Variants in PACRG observed in about 807,000 individuals in gnomAD.
PACRG encodes parkin coregulated.
PACRG carries 29 observed loss-of-function variants against 29.7 expected under a neutral mutation model. The ratio of observed to expected loss-of-function variants is 0.98; its 90% CI spans 0.73 to 1.33. PACRG has a LOEUF of 1.33. PACRG is among the 40% of genes most tolerant of loss of function. The pLI is 0.00. For synonymous variants in PACRG, 116 were observed against 118.7 expected (o/e 0.98, Z 0.15); for missense variants, 279 against 316.2 (o/e 0.88, Z 0.89).
At chr6:163,144,343 T>TAC (rs1204739911) in intron 4 of PACRG, among the ~76,000 whole-genome samples, 3 of 137,232 alleles carry the variant, frequency 2.2e-5, no homozygotes, top group African/African-American at 3.1e-5. Flanking sequence ...TACACACACA[T>TAC]ACATACACAC....
chr6:163,010,339 A>G (rs1805497100), intron 2 of PACRG, among the ~76,000 whole-genome samples: 1 of 152,244 alleles, frequency 6.6e-6, no homozygotes, highest in South Asian at 2.1e-4. Flanking sequence ...CAGAAGCACC[A>G]GGGAGAATTG....
chr6:163,198,522 A>T (rs550241509), intron 4 of PACRG, among the ~76,000 whole-genome samples: 1 of 152,286 alleles, frequency 6.6e-6, no homozygotes, highest in East Asian at 1.9e-4. Flanking sequence ...AGGCCCAGAG[A>T]TGTTAATTTG....
chr6:162,777,801 A>G lies in PACRG; in HGVS notation c.157-36346A>G, dbSNP rs1405414050. The stretch of plus-strand genomic sequence containing the variant: ...TATGGTTCAAATGCAGCTGATTTGA[A>G]CAACATTTACTGCACTTGCTTTGAA... On this transcript the variant is annotated intron_variant, in intron 1 of 4. Coordinates refer to ENST00000366888, the MANE Select transcript of PACRG (RefSeq NM_001080379.2). This position sits in a 1 kb window ranked among gnomAD's most constrained non-coding sequence, Gnocchi z 4.0. Among the ~76,000 whole-genome samples the G allele has an allele frequency of 1.3e-5, 2 of 152,202 alleles. No individual in the cohort carries two copies. Among genetic ancestry groups the G allele is most frequent in the East Asian group, 1.9e-4 (1 of 5,190 alleles).
At chr6:162,949,254 A>T (rs377245122) in intron 2 of PACRG, among the ~76,000 whole-genome samples, 1 of 152,210 alleles carries the variant, frequency 6.6e-6, no homozygotes, top group African/African-American at 2.4e-5. Context: ...CCAGTCACAG[A>T]AAAATTAATA....
rs117121173 is a variant in PACRG at position 163,232,364 on chromosome 6, G to C, written c.614-82463G>C. Among the ~76,000 whole-genome samples, 17 of 152,292 alleles carry C rather than the reference G, an allele frequency of 1.1e-4. No homozygotes were observed. The East Asian group carries it at 3.3e-3, about 29-fold the overall frequency. ...CCCCAACCTGCAAGTCCTCCTGGTA[G>C]AGTAGCTCTTAGCTCCAGCCTGCGT... On this transcript the variant is annotated intron_variant, in intron 4 of 4. Transcript: ENST00000366888.
At chr6:162,918,559 TG>T (rs1796854933) in intron 2 of PACRG, among the ~76,000 whole-genome samples, 3 of 152,144 alleles carry the variant, frequency 2.0e-5, no homozygotes, top group Admixed American at 1.3e-4. Context: ...AACAGTATGC[TG>T]GGGAGGAGCA....
chr6:163,291,460 C>G (rs1355496085), intron 4 of PACRG, among the ~76,000 whole-genome samples: 3 of 148,288 alleles, frequency 2.0e-5, no homozygotes, highest in Non-Finnish European at 4.5e-5. Flanking sequence ...TCTGCCCGCC[C>G]GAGCTGGCCT....
intron 2 of PACRG, among the ~76,000 whole-genome samples, chr6:162,863,230 A>G (rs1044137670): frequency 3.9e-5 from 6 of 152,322 alleles, no homozygotes; most frequent in Admixed American, 3.3e-4. Context: ...TGAGCACATC[A>G]TCAAGTTACT....
chr6:162,907,157 CT>C lies in PACRG; in HGVS notation c.291+92884del, dbSNP rs1255807846. On this transcript the variant is annotated intron_variant, in intron 2 of 4. Coordinates refer to ENST00000366888, the MANE Select transcript of PACRG (RefSeq NM_001080379.2). The stretch of plus-strand genomic sequence containing the variant: ...TATGAATGATTTGCATGTATCAGAT[CT>C]TTTTTTTATTCCAGACATTTTGTCC... Among the ~76,000 whole-genome samples, 5 of 152,016 alleles carry C rather than the reference CT, an allele frequency of 3.3e-5. No individual in the cohort carries two copies. In the Middle Eastern group the frequency reaches 0.01, roughly 310 times the overall value.
intron 4 of PACRG, among the ~76,000 whole-genome samples, chr6:163,099,093 C>G (rs1216313449): frequency 2.6e-5 from 4 of 152,206 alleles, no homozygotes; most frequent in African/African-American, 9.6e-5. Context: ...CAGTGGGTCC[C>G]AGCTTCATTT....
rs984770268 is a variant in PACRG at position 162,851,573 on chromosome 6, C to T, written c.291+37292C>T. Among the ~76,000 whole-genome samples, 4 of 152,022 alleles carry T rather than the reference C, an allele frequency of 2.6e-5. No individual in the cohort carries two copies. In the South Asian group the frequency reaches 8.3e-4, roughly 32 times the overall value. On this transcript the variant is annotated intron_variant, in intron 2 of 4. Coordinates refer to ENST00000366888, the MANE Select transcript of PACRG (RefSeq NM_001080379.2). Reference sequence around the variant, plus strand: ...ATTGTATCCAGCCAGTTCTTAGTACCATTAGGGATCTGATTCTCACCATCA... The same window carrying T: ...ATTGTATCCAGCCAGTTCTTAGTACTATTAGGGATCTGATTCTCACCATCA...
chr6:162,875,372 TACACAGACATTCACACACAGAAATTCAC>T (rs1562688059), intron 2 of PACRG, among the ~76,000 whole-genome samples: 1 of 151,126 alleles, frequency 6.6e-6, no homozygotes, highest in Admixed American at 6.6e-5. Flanking sequence ...CACACATTCA[TACACAGACATTCACACACAGAAATTCAC>T]ACACAGACAT....
intron 2 of PACRG, among the ~76,000 whole-genome samples, chr6:162,915,603 CCTCT>C (rs1451348636): frequency 6.6e-6 from 1 of 151,860 alleles, no homozygotes; most frequent in Non-Finnish European, 1.5e-5. Context: ...TTGCTCTGTT[CCTCT>C]CTCTGTCTCT....
At chr6:162,871,608 A>G (rs1792810873) in intron 2 of PACRG, among the ~76,000 whole-genome samples, 1 of 151,680 alleles carries the variant, frequency 6.6e-6, no homozygotes, top group African/African-American at 2.4e-5. Flanking sequence ...TAAAACAAGC[A>G]CTTCCACTTA....
chr6:162,937,310 G>T (rs192292673), intron 2 of PACRG, among the ~76,000 whole-genome samples: 2 of 152,198 alleles, frequency 1.3e-5, no homozygotes, highest in African/African-American at 2.4e-5. Context: ...TTAACATGTG[G>T]TATCAGCCAC....
At chr6:162,819,999 C>T (rs7758649) in intron 2 of PACRG, among the ~76,000 whole-genome samples, 11,092 of 152,136 alleles carry the variant, frequency 0.073, 524 homozygotes, top group East Asian at 0.29. Context: ...GAATGATATG[C>T]AACGGTCTTG....
At chr6:162,762,575 A>T (rs1427990954) in intron 1 of PACRG, among the ~76,000 whole-genome samples, 2 of 152,176 alleles carry the variant, frequency 1.3e-5, no homozygotes, top group Non-Finnish European at 2.9e-5. Flanking sequence ...GGGATTTTTA[A>T]AAAAGGCTTT....
chr6:162,857,984 T>G (rs949078606), intron 2 of PACRG, among the ~76,000 whole-genome samples: 3 of 152,232 alleles, frequency 2.0e-5, no homozygotes, highest in Non-Finnish European at 4.4e-5. Flanking sequence ...GAAAATGGTT[T>G]ATGAAAAGTT....
intron 1 of PACRG, among the ~76,000 whole-genome samples, chr6:162,728,659 A>T (rs1779479747): frequency 6.6e-6 from 1 of 152,126 alleles, no homozygotes; most frequent in South Asian, 2.1e-4. Context: ...AATTACTCTT[A>T]AGCTATTTAC....
Sources: allele counts gnomAD v4.1 joint callset (sites outside exome capture counted in the v4.1 genomes callset), GRCh38; gene constraint gnomAD v4.1.1; non-coding constraint Gnocchi (gnomAD v3.1); transcripts MANE v1.5; gene names NCBI Gene and HGNC (gene_info 2026-07-23, HGNC 2026-07-21).